The following ARMC2 variants were observed in gnomAD, a reference collection of about 807,000 sequenced individuals.
The protein encoded by ARMC2 is armadillo repeat-containing protein 2.
ARMC2 carries 67 observed loss-of-function variants against 90.3 expected under a neutral mutation model. The observed-to-expected ratio is 0.74, with a 90% CI of 0.61 to 0.91. ARMC2 has a LOEUF of 0.91. Among genes scored for constraint, ARMC2 ranks in the 40% least tolerant of loss-of-function variants. The pLI is 0.00. For missense variants in ARMC2, 920 were observed against 1,030.9 expected (o/e 0.89, Z 1.47); for synonymous variants, 393 against 393.0 (o/e 1.00, Z 0.00).
intron 1 of ARMC2, 113 bp downstream of exon 1, chr6:108,848,659 G>T (rs947964884): frequency 6.6e-6 from 1 of 152,510 alleles, no homozygotes; most frequent in East Asian, 1.9e-4. Context: ...TGCCGGGGCG[G>T]CGGCGGGAGG....
At chr6:109,022,636 GA>G in the ARMC2 span, among the ~76,000 whole-genome samples, 1 of 151,568 alleles carries the variant, frequency 6.6e-6, no homozygotes, top group Admixed American at 6.6e-5. Context: ...GGATGGTCTC[GA>G]TCTCCTGACC....
chr6:108,908,236 G>A (rs1773007264), intron 8 of ARMC2, among the ~76,000 whole-genome samples: 1 of 152,192 alleles, frequency 6.6e-6, no homozygotes, highest in African/African-American at 2.4e-5. Flanking sequence ...AGTGCAAAGT[G>A]TGAACGACAA....
chr6:108,860,097 G>A (rs1582935323), intron 3 of ARMC2, among the ~76,000 whole-genome samples: 1 of 151,002 alleles, frequency 6.6e-6, no homozygotes, highest in Non-Finnish European at 1.5e-5. Flanking sequence ...TTTTGTGGAA[G>A]AGACTGTATT....
At chr6:109,016,526 A>C in the ARMC2 span, among the ~76,000 whole-genome samples, 1 of 152,160 alleles carries the variant, frequency 6.6e-6, no homozygotes, top group Non-Finnish European at 1.5e-5. Context: ...ACAAGGCCAA[A>C]TCTGGAGACT....
intron 6 of ARMC2, among the ~76,000 whole-genome samples, chr6:108,899,085 A>G (rs781049044): frequency 6.6e-6 from 1 of 152,176 alleles, no homozygotes; most frequent in Non-Finnish European, 1.5e-5. Flanking sequence ...TGTTTTGCTG[A>G]TGAGGAAACA....
the ARMC2 span, among the ~76,000 whole-genome samples, chr6:109,003,184 G>A: frequency 6.6e-6 from 1 of 151,308 alleles, no homozygotes; most frequent in African/African-American, 2.4e-5. Flanking sequence ...GTTGTTTTGA[G>A]GCCTATGTCC....
intron 10 of ARMC2, 119 bp from the exon 11 acceptor site, chr6:108,927,969 C>T (rs369073333): frequency 3.1e-5 from 32 of 1,019,800 alleles, no homozygotes; most frequent in Admixed American, 2.2e-4. Flanking sequence ...AGATGCATAG[C>T]GGGAGCTTTG....
the ARMC2 span, among the ~76,000 whole-genome samples, chr6:109,048,400 T>C: frequency 1.3e-5 from 2 of 152,168 alleles, no homozygotes; most frequent in Non-Finnish European, 2.9e-5. Flanking sequence ...TTAACAAAAG[T>C]AGTGAAAGTA....
At chr6:108,964,468 G>A (rs1348309327) in intron 16 of ARMC2, among the ~76,000 whole-genome samples, 156 bp downstream of exon 16, 1 of 152,054 alleles carries the variant, frequency 6.6e-6, no homozygotes, top group Non-Finnish European at 1.5e-5. Flanking sequence ...GATTCCACTG[G>A]ATACTTAAAA....
intron 10 of ARMC2, among the ~76,000 whole-genome samples, chr6:108,918,791 C>T (rs1048790536): frequency 1.3e-5 from 2 of 152,192 alleles, no homozygotes; most frequent in African/African-American, 2.4e-5. Flanking sequence ...GAAATGAGAT[C>T]GTCTAGTAAA....
chr6:108,968,624 C>T (rs1231558853), intron 17 of ARMC2, among the ~76,000 whole-genome samples: 5 of 152,174 alleles, frequency 3.3e-5, no homozygotes, highest in South Asian at 4.2e-4. Flanking sequence ...GGGACTGCTG[C>T]GAGTGAAATG....
chr6:108,873,370 A>G (rs1582976214), intron 4 of ARMC2, among the ~76,000 whole-genome samples: 1 of 151,974 alleles, frequency 6.6e-6, no homozygotes, highest in Non-Finnish European at 1.5e-5. Context: ...ACATCCCAGC[A>G]CCTCCAAGTG....
At chr6:108,977,164 T>C (rs1054375781), downstream of ARMC2, among the ~76,000 whole-genome samples, 2 of 152,180 alleles carry the variant, frequency 1.3e-5, no homozygotes, top group African/African-American at 4.8e-5. Flanking sequence ...CTTATTATTT[T>C]GAGATACTCC....
intron 11 of ARMC2, among the ~76,000 whole-genome samples, chr6:108,928,706 ACTT>A (rs1191551347): frequency 6.6e-6 from 1 of 152,218 alleles, no homozygotes; most frequent in Non-Finnish European, 1.5e-5. Flanking sequence ...GTCTACACTT[ACTT>A]TATTTCTTCC....
At chr6:108,949,482 G>A (rs1406669524) in intron 12 of ARMC2, among the ~76,000 whole-genome samples, 1 of 152,192 alleles carries the variant, frequency 6.6e-6, no homozygotes, top group African/African-American at 2.4e-5. Flanking sequence ...TTCAGAACTA[G>A]AATTCATATA....
At chr6:109,044,292 A>G in the ARMC2 span, among the ~76,000 whole-genome samples, 88 of 134,984 alleles carry the variant, frequency 6.5e-4, 1 homozygote, top group Admixed American at 1.0e-3. Context: ...AGCCTAGATG[A>G]CACAGTGAGA....
intron 10 of ARMC2, among the ~76,000 whole-genome samples, chr6:108,920,157 A>G (rs1181678859): frequency 2.0e-5 from 3 of 152,058 alleles, no homozygotes; most frequent in African/African-American, 7.2e-5. Flanking sequence ...ATTGATCACT[A>G]CACTGGCTAA....
chr6:108,902,590 G>T (rs1025945496), intron 7 of ARMC2, among the ~76,000 whole-genome samples: 2 of 152,110 alleles, frequency 1.3e-5, no homozygotes. Context: ...TCATTTAAGT[G>T]CATAACCAAA....
intron 5 of ARMC2, among the ~76,000 whole-genome samples, chr6:108,892,197 G>C (rs925609770): frequency 1.3e-5 from 2 of 152,064 alleles, no homozygotes; most frequent in South Asian, 4.1e-4. Context: ...TTATTTCTAG[G>C]AGTGATAAAT....
Sources: allele counts gnomAD v4.1 joint callset (sites outside exome capture counted in the v4.1 genomes callset), GRCh38; gene constraint gnomAD v4.1.1; transcripts MANE v1.5; gene names NCBI Gene and HGNC (gene_info 2026-07-23, HGNC 2026-07-21).